Variants in SYTL3 observed in about 807,000 individuals in gnomAD.
The protein encoded by SYTL3 is synaptotagmin like 3.
SYTL3 carries 88 observed loss-of-function variants against 82.1 expected under a neutral mutation model. That is an observed-to-expected ratio of 1.07 (90% CI 0.90 to 1.28). SYTL3 has a LOEUF of 1.28. Among genes scored for constraint, SYTL3 ranks in the 50% most tolerant of loss-of-function variants. The pLI is 0.00. For missense variants in SYTL3, 831 were observed against 757.6 expected, an observed-to-expected ratio of 1.10 and a Z score of -1.14; for synonymous variants, 311 against 289.4, an observed-to-expected ratio of 1.07 and a Z score of -0.76.
chr6:158,753,734 A>AG (rs1562464361), intron 13 of SYTL3, among the ~76,000 whole-genome samples: 2 of 151,620 alleles, frequency 1.3e-5, no homozygotes, highest in Non-Finnish European at 2.9e-5. Context: ...CGTCTCAAAA[A>AG]AAAAAAAAAA....
At chr6:158,691,674 C>T (rs1234646764) in intron 6 of SYTL3, among the ~76,000 whole-genome samples, 4 of 150,936 alleles carry the variant, frequency 2.7e-5, no homozygotes, top group South Asian at 2.1e-4. Flanking sequence ...TTTTTTGAGA[C>T]GGAGTCTCGC....
chr6:158,659,997 G>A (rs1010539027), intron 2 of SYTL3, among the ~76,000 whole-genome samples: 4 of 152,124 alleles, frequency 2.6e-5, no homozygotes, highest in Admixed American at 1.3e-4. Flanking sequence ...TGAACAGGCC[G>A]GGCGTGGTGG....
chr6:158,758,711 C>T (rs1402582148), intron 14 of SYTL3, among the ~76,000 whole-genome samples: 3 of 152,140 alleles, frequency 2.0e-5, no homozygotes, highest in East Asian at 1.9e-4. Flanking sequence ...AGCTAGAGTC[C>T]GGGCTTAGAC....
chr6:158,709,704 T>G (rs1157410405), intron 8 of SYTL3, among the ~76,000 whole-genome samples: 5 of 152,158 alleles, frequency 3.3e-5, no homozygotes, highest in African/African-American at 1.2e-4. Flanking sequence ...TAGTCCTGAG[T>G]GCTATCATCC....
At chr6:158,662,656 G>A (rs1208664572) in intron 3 of SYTL3, 94 bp from the exon 4 acceptor site, 4 of 152,108 alleles carry the variant, frequency 2.6e-5, no homozygotes, top group Non-Finnish European at 5.9e-5. Flanking sequence ...AAAATGCAAG[G>A]GTTTGTGTAG....
chr6:158,731,529 G>A (rs1289701186), intron 11 of SYTL3, among the ~76,000 whole-genome samples: 1 of 151,596 alleles, frequency 6.6e-6, no homozygotes, highest in Non-Finnish European at 1.5e-5. Flanking sequence ...AGAATCATGG[G>A]CCATTGTTCC....
chr6:158,726,066 T>G, intron 11 of SYTL3: 1 of 523,718 alleles, frequency 1.9e-6, no homozygotes, highest in South Asian at 1.7e-5. Flanking sequence ...ACAGGATCAA[T>G]GTAGTGAAAC....
chr6:158,726,552 G>A (rs1277912108), intron 11 of SYTL3: 1 of 200,806 alleles, frequency 5.0e-6, no homozygotes, highest in Non-Finnish European at 1.1e-5. Context: ...TCATTTGTCT[G>A]GAGAGAGTGT....
At chr6:158,707,412 T>C in intron 7 of SYTL3, 131 bp downstream of exon 7, 1 of 689,880 alleles carries the variant, frequency 1.4e-6, no homozygotes. Context: ...TTTTTTTTTT[T>C]CTTTTAAAGA....
chr6:158,682,932 A>G lies in SYTL3; in HGVS notation c.337A>G (p.Lys113Glu), dbSNP rs200806708. 2.7e-5 allele frequency: 44 copies of G among 1,613,200 alleles called. No homozygotes were observed. In the East Asian group the frequency reaches 9.4e-4, roughly 34 times the overall value. ...CTVCFEDRNV[K>E]IKTGEWFYEE... ...TTCTGCTCATTTTTTCAGGAATGTC[A>G]AAATAAAAACTGGAGAATGGTTCTA... Residue 113 changes from lysine (K) to glutamate (E), a missense_variant, in exon 6 of 18, where the codon AAA becomes GAA. By Grantham distance (56) the Lys-to-Glu change is moderately conservative (BLOSUM62 1). Coordinates refer to ENST00000611299, the MANE Select transcript of SYTL3 (RefSeq NM_001242394.2).
upstream of SYTL3, among the ~76,000 whole-genome samples, chr6:158,647,210 A>G (rs1787536722): frequency 6.6e-6 from 1 of 152,268 alleles, no homozygotes; most frequent in Non-Finnish European, 1.5e-5. Flanking sequence ...ATCAACAGAA[A>G]ACATGCAAAT....
In SYTL3 at chr6:158,708,409, G is replaced by GCT; in HGVS notation, c.516+18_516+19insCT. On this transcript the variant is annotated intron_variant, in intron 8 of 17. Coordinates refer to ENST00000611299, the MANE Select transcript of SYTL3 (RefSeq NM_001242394.2). ...CTGGCAGGGTAACGTATCCATTCTG[G>GCT]GCACTTCTCTAGTAGGGGTCAGGGG... 1 of 1,611,352 alleles carries GCT rather than the reference G, an allele frequency of 6.2e-7. No individual in the cohort carries two copies.
chr6:158,714,439 C>T (rs573533509), intron 9 of SYTL3, among the ~76,000 whole-genome samples: 3 of 151,998 alleles, frequency 2.0e-5, no homozygotes, highest in African/African-American at 7.2e-5. Context: ...AATTATCTAT[C>T]TATTGTCTGC....
chr6:158,725,448 C>T (rs1304821934), intron 10 of SYTL3, 55 bp from the exon 11 acceptor site: 2 of 1,593,266 alleles, frequency 1.3e-6, no homozygotes, highest in East Asian at 2.2e-5. Context: ...CACATTTGAA[C>T]AAAACCAAAC....
chr6:158,738,842 G>A (rs1389207675), intron 11 of SYTL3, among the ~76,000 whole-genome samples: 1 of 152,152 alleles, frequency 6.6e-6, no homozygotes, highest in East Asian at 1.9e-4. Flanking sequence ...ATTTTTAGTG[G>A]AGACAGGGTT....
chr6:158,710,025 A>G (rs1200123471), intron 8 of SYTL3, among the ~76,000 whole-genome samples: 2 of 152,222 alleles, frequency 1.3e-5, no homozygotes, highest in Non-Finnish European at 2.9e-5. Flanking sequence ...ACAGAGCGCG[A>G]CTGTCTCTAA....
At chr6:158,702,367 A>G (rs1781415562) in intron 6 of SYTL3, among the ~76,000 whole-genome samples, 1 of 149,308 alleles carries the variant, frequency 6.7e-6, no homozygotes, top group South Asian at 2.2e-4. Context: ...TTTATAGGAC[A>G]TAGTCTCACT....
intron 9 of SYTL3, 85 bp from the exon 10 acceptor site, chr6:158,718,002 G>T: frequency 7.5e-7 from 1 of 1,333,660 alleles, no homozygotes. Flanking sequence ...ACTGTCTGTG[G>T]GTTCAGTGAA....
chr6:158,702,810 C>T (rs998152144), intron 6 of SYTL3, among the ~76,000 whole-genome samples: 7 of 151,608 alleles, frequency 4.6e-5, no homozygotes, highest in Non-Finnish European at 8.8e-5. Flanking sequence ...CACTTGTAGA[C>T]GTTGTGACTT....
Sources: gnomAD v4.1 joint callset for allele counts (sites outside exome capture counted in the v4.1 genomes callset) on GRCh38, gnomAD v4.1.1 for gene constraint, MANE v1.5 for transcripts, NCBI Gene and HGNC (gene_info 2026-07-23, HGNC 2026-07-21) for gene names.